The following CNTN5 variants were observed in gnomAD, a reference collection of about 807,000 sequenced individuals.
The protein encoded by CNTN5 is contactin 5, also known as contactin-5.
In CNTN5, 77 loss-of-function variants were observed where a neutral mutation model predicts 129.1. That is an observed-to-expected ratio of 0.60 (90% CI 0.50 to 0.72). The LOEUF (loss-of-function observed/expected upper bound fraction) is 0.72, where lower values mean the gene tolerates loss of function less well. Ranked by LOEUF, CNTN5 falls within the 30% of genes least tolerant of loss-of-function variation. The probability of loss-of-function intolerance (pLI) is 0.00; values close to 1 mark genes in which losing one functional copy is unlikely to be tolerated. For missense variants in CNTN5, 1,478 were observed against 1,328.8 expected (o/e 1.11, Z -1.75); for synonymous variants, 509 against 465.6 (o/e 1.09, Z -1.20).
At chr11:99,259,675 T>A (rs963843721) in intron 1 of CNTN5, among the ~76,000 whole-genome samples, 1 of 151,858 alleles carries the variant, frequency 6.6e-6, no homozygotes, top group Non-Finnish European at 1.5e-5. Flanking sequence ...TGTGTGTTAG[T>A]GTGTGTTTTA....
rs571083091 is a variant in CNTN5, at chr11:99,796,930, G to T, written c.56-22614G>T. ...GCTGCCAGGATTCCAGGGGTCAGTT[G>T]TGAGGGCAGGCTGCTCCTCACCTGC... is the stretch of plus-strand genomic sequence containing the variant. On this transcript the variant is annotated intron_variant, in intron 3 of 24. Transcript: ENST00000524871. Among the ~76,000 whole-genome samples the T allele has an allele frequency of 2.0e-5, 3 of 152,052 alleles. No homozygotes were observed. In the East Asian group the frequency reaches 5.8e-4, roughly 30 times the overall value.
intron 3 of CNTN5, among the ~76,000 whole-genome samples, chr11:99,573,442 C>T (rs1949240957): frequency 1.3e-5 from 2 of 151,644 alleles, no homozygotes; most frequent in Non-Finnish European, 2.9e-5. Context: ...TGGTGGCAGG[C>T]GCCTGTAGTC....
chr11:100,168,510 A>G (rs1462299455), intron 13 of CNTN5, among the ~76,000 whole-genome samples: 2 of 151,992 alleles, frequency 1.3e-5, no homozygotes, highest in Admixed American at 6.6e-5. Context: ...ACTGGATAAC[A>G]CAACATCTAT....
chr11:99,599,242 A>G (rs1950239861), intron 3 of CNTN5, among the ~76,000 whole-genome samples: 1 of 152,040 alleles, frequency 6.6e-6, no homozygotes, highest in African/African-American at 2.4e-5. Context: ...ATTGGATTTT[A>G]TAAAATAACT....
intron 7 of CNTN5, among the ~76,000 whole-genome samples, chr11:99,921,849 G>GA (rs1364598555): frequency 1.3e-5 from 2 of 151,840 alleles, no homozygotes; most frequent in East Asian, 1.9e-4. Context: ...ATAAGAATAG[G>GA]AAAAAAACAG....
At chr11:99,860,373 C>A (rs565122522) in intron 6 of CNTN5, among the ~76,000 whole-genome samples, 1 of 152,008 alleles carries the variant, frequency 6.6e-6, no homozygotes, top group African/African-American at 2.4e-5. Context: ...ATCATAAATT[C>A]TTTCCTGAGG....
chr11:99,903,713 G>T (rs1453583), intron 6 of CNTN5, among the ~76,000 whole-genome samples: 9,514 of 152,098 alleles, frequency 0.063, 590 homozygotes, highest in East Asian at 0.28. Context: ...AACTATGGTA[G>T]TTTCCAAGAA....
chr11:99,448,600 A>T (rs1944167090), intron 2 of CNTN5, among the ~76,000 whole-genome samples: 1 of 151,640 alleles, frequency 6.6e-6, no homozygotes, highest in Non-Finnish European at 1.5e-5. Flanking sequence ...TACCCTAGGA[A>T]CCTGCATTTT....
chr11:99,611,430 C>T (rs556987267), intron 3 of CNTN5, among the ~76,000 whole-genome samples: 13 of 152,186 alleles, frequency 8.5e-5, no homozygotes, highest in South Asian at 4.1e-4. Context: ...TTACTAAAGA[C>T]GTACAATTAA....
chr11:99,665,230 C>CA (rs1475680367), intron 3 of CNTN5, among the ~76,000 whole-genome samples: 1 of 152,048 alleles, frequency 6.6e-6, no homozygotes, highest in Non-Finnish European at 1.5e-5. Context: ...TGTATTCTAG[C>CA]AAAAGAAATA....
chr11:100,193,703 T>G, intron 15 of CNTN5, 40 bp downstream of exon 15: 1 of 1,564,814 alleles, frequency 6.4e-7, no homozygotes, highest in East Asian at 2.3e-5. Flanking sequence ...AATGATAACT[T>G]TAGAAATTTT....
chr11:99,469,692 G>T (rs1591115249), intron 2 of CNTN5, among the ~76,000 whole-genome samples: 2 of 152,170 alleles, frequency 1.3e-5, no homozygotes, highest in East Asian at 3.9e-4. Flanking sequence ...TTTCTTTGTA[G>T]TGCTAGTTTT....
chr11:99,276,764 C>T lies in CNTN5; in HGVS notation c.-209-48582C>T, dbSNP rs1018386820. On this transcript the variant is annotated intron_variant, in intron 1 of 24. Transcript: ENST00000524871. ...ATATATGTATACAAATATATACACA[C>T]TTTTCACAAATATTATTTAAGGGCT... is the stretch of plus-strand genomic sequence containing the variant. Among the ~76,000 whole-genome samples, 3 of 151,422 alleles carry T rather than the reference C, an allele frequency of 2.0e-5. No homozygotes were observed. In the East Asian group the frequency reaches 5.8e-4, roughly 29 times the overall value.
At chr11:99,772,870 T>C (rs565154087) in intron 3 of CNTN5, among the ~76,000 whole-genome samples, 1 of 152,186 alleles carries the variant, frequency 6.6e-6, no homozygotes, top group East Asian at 1.9e-4. Flanking sequence ...GATGGGATTG[T>C]AGATCATGTA....
chr11:99,129,655 T>C (rs750848050), intron 1 of CNTN5, among the ~76,000 whole-genome samples: 1 of 151,960 alleles, frequency 6.6e-6, no homozygotes, highest in African/African-American at 2.4e-5. Context: ...GCAAGACACA[T>C]AACCTTCACA....
intron 7 of CNTN5, among the ~76,000 whole-genome samples, chr11:99,922,497 T>G (rs1206034781): frequency 1.3e-5 from 2 of 152,198 alleles, no homozygotes; most frequent in African/African-American, 4.8e-5. Context: ...ATTATGAAAT[T>G]AGTAAATAAC....
chr11:100,249,623 A>G (rs1053873686), intron 16 of CNTN5, among the ~76,000 whole-genome samples: 1 of 152,214 alleles, frequency 6.6e-6, no homozygotes, highest in Non-Finnish European at 1.5e-5. Context: ...GCATTTGTGT[A>G]TCATCTGGAC....
intron 7 of CNTN5, among the ~76,000 whole-genome samples, chr11:99,938,884 T>C (rs1183363462): frequency 6.6e-6 from 1 of 152,006 alleles, no homozygotes; most frequent in Non-Finnish European, 1.5e-5. Context: ...ATTTGAAAAA[T>C]TTTAAACTGG....
intron 13 of CNTN5, among the ~76,000 whole-genome samples, chr11:100,149,396 G>C (rs909550163): frequency 6.6e-6 from 1 of 152,138 alleles, no homozygotes; most frequent in African/African-American, 2.4e-5. Context: ...CCATGGAATT[G>C]AAGTATAGCT....
Sources: allele counts gnomAD v4.1 joint callset (sites outside exome capture counted in the v4.1 genomes callset), GRCh38; gene constraint gnomAD v4.1.1; transcripts MANE v1.5; gene names NCBI Gene and HGNC (gene_info 2026-07-23, HGNC 2026-07-21).